Variants in SPHKAP observed in about 807,000 individuals in gnomAD.
SPHKAP encodes A-kinase anchor protein SPHKAP.
Under a neutral mutation model 137.5 loss-of-function variants are expected in SPHKAP, and 67 were observed. The ratio of observed to expected loss-of-function variants is 0.49; its 90% CI spans 0.40 to 0.60. The LOEUF is 0.60. SPHKAP is among the 20% of genes least tolerant of loss of function. The pLI is 0.00. For synonymous variants in SPHKAP, 813 were observed against 785.3 expected (o/e 1.04, Z -0.59); for missense variants, 2,097 against 2,069.3 (o/e 1.01, Z -0.26).
At chr2:228,037,033 TAATAAATA>T (rs200704537) in intron 3 of SPHKAP, among the ~76,000 whole-genome samples, 2 of 152,046 alleles carry the variant, frequency 1.3e-5, no homozygotes, top group Admixed American at 6.6e-5. Flanking sequence ...TAAAGTATAA[TAATAAATA>T]AATAAATAGA....
intron 1 of SPHKAP, among the ~76,000 whole-genome samples, chr2:228,157,308 A>G (rs537015777): frequency 4.6e-5 from 7 of 152,180 alleles, no homozygotes; most frequent in Admixed American, 2.0e-4. Context: ...TGATCTTAAA[A>G]CCCAGGTCTT....
chr2:228,120,679 G>C (rs1484176298), intron 2 of SPHKAP, among the ~76,000 whole-genome samples: 2 of 152,104 alleles, frequency 1.3e-5, no homozygotes. Context: ...TAGAGCTTGG[G>C]AACTGATGAG....
At chr2:228,027,687 G>T (rs1695097043) in intron 3 of SPHKAP, 144 bp from the exon 4 acceptor site, 1 of 830,672 alleles carries the variant, frequency 1.2e-6, no homozygotes, top group Admixed American at 2.4e-5. Context: ...GTCATTTCAG[G>T]GCGGGCGCAG....
intron 3 of SPHKAP, among the ~76,000 whole-genome samples, chr2:228,029,071 C>T (rs1054595327): frequency 6.6e-5 from 10 of 152,184 alleles, no homozygotes; most frequent in African/African-American, 2.2e-4. Flanking sequence ...ATAAGAGAAT[C>T]TGACTGCAGG....
chr2:228,106,740 T>C (rs1421026087), intron 3 of SPHKAP, among the ~76,000 whole-genome samples: 1 of 152,156 alleles, frequency 6.6e-6, no homozygotes, highest in African/African-American at 2.4e-5. Context: ...TAGGTAATAA[T>C]TTCCCTCAGG....
In SPHKAP at chr2:228,055,799, C is replaced by T. The variant is rs148720189; in HGVS notation, c.247-28256G>A. 4.6e-5 allele frequency among the ~76,000 whole-genome samples: 7 copies of T among 152,280 alleles called. No individual in the cohort carries two copies. In the South Asian group the frequency reaches 6.2e-4, roughly 14 times the overall value. ...ATGGCAAACCTCCTCCTGCAAATTC[C>T]GACAGTATTTTTAAAAACTTAAGCA... On this transcript the variant is annotated intron_variant, in intron 3 of 11. Coordinates refer to ENST00000392056, the MANE Select transcript of SPHKAP (RefSeq NM_001142644.2).
chr2:228,143,720 A>G (rs1699679147), intron 1 of SPHKAP, among the ~76,000 whole-genome samples: 1 of 134,276 alleles, frequency 7.4e-6, no homozygotes, highest in African/African-American at 2.8e-5. Context: ...TGGCCAGGCT[A>G]ATCTCGAACT....
chr2:228,035,759 C>G (rs889975481), intron 3 of SPHKAP, among the ~76,000 whole-genome samples: 2 of 152,120 alleles, frequency 1.3e-5, no homozygotes, highest in African/African-American at 4.8e-5. Flanking sequence ...TTTGACAAAC[C>G]TGACAAAAAC....
chr2:227,984,599 T>A (rs955788587), intron 11 of SPHKAP, among the ~76,000 whole-genome samples: 1 of 152,170 alleles, frequency 6.6e-6, no homozygotes, highest in African/African-American at 2.4e-5. Flanking sequence ...AAAGGGATGA[T>A]GACATGCGGC....
intron 3 of SPHKAP, among the ~76,000 whole-genome samples, chr2:228,072,377 A>T (rs1195042390): frequency 6.6e-6 from 1 of 152,122 alleles, no homozygotes; most frequent in Non-Finnish European, 1.5e-5. Flanking sequence ...TAATACGAAA[A>T]ATTCAAGAAG....
chr2:227,986,157 G>C (rs192203353), intron 11 of SPHKAP, among the ~76,000 whole-genome samples: 1 of 152,270 alleles, frequency 6.6e-6, no homozygotes, highest in Admixed American at 6.5e-5. Flanking sequence ...CAGATGAAGC[G>C]CCTCAGTATC....
At chr2:228,039,520 T>C (rs777419293) in intron 3 of SPHKAP, among the ~76,000 whole-genome samples, 2 of 152,200 alleles carry the variant, frequency 1.3e-5, no homozygotes, top group Non-Finnish European at 2.9e-5. Flanking sequence ...ATAAATGAAG[T>C]TCCATGTAGG....
At chr2:227,981,933 G>A (rs946594496) in intron 11 of SPHKAP, 73 bp from the exon 12 acceptor site, 15 of 1,519,666 alleles carry the variant, frequency 9.9e-6, no homozygotes, top group East Asian at 4.8e-5. Flanking sequence ...AACCACCCTC[G>A]CGAAGCCAAT....
In SPHKAP at chr2:228,018,626, C is replaced by T; in HGVS notation, c.2228G>A (p.Arg743Lys). The stretch of plus-strand genomic sequence containing the variant: ...GCAGCTTGGTTCTGTCTCCCTCCTT[C>T]TGATGGTCTCCTTAGAAAGGACAGC... ...CPAVLSKETI[R>K]RRETEPSCQP... Residue 743 changes from arginine (R) to lysine (K), a missense_variant, in exon 7 of 12, where the codon AGA (arginine) becomes AAA (lysine). Arg to Lys is a conservative substitution (Grantham distance 26). Transcript: ENST00000392056. The T allele has an allele frequency of 6.2e-7, 1 of 1,614,102 alleles. No individual in the cohort carries two copies. Among genetic ancestry groups the T allele is most frequent in the South Asian group, 1.1e-5 (1 of 90,994 alleles).
intron 3 of SPHKAP, among the ~76,000 whole-genome samples, chr2:228,072,310 T>C (rs1466277399): frequency 1.3e-5 from 2 of 152,210 alleles, no homozygotes; most frequent in African/African-American, 2.4e-5. Flanking sequence ...TTATCTATAA[T>C]TGTCTACTAT....
intron 7 of SPHKAP, among the ~76,000 whole-genome samples, chr2:228,012,285 G>A (rs1005539419): frequency 3.4e-5 from 5 of 148,960 alleles, no homozygotes; most frequent in African/African-American, 1.0e-4. Flanking sequence ...TTCCTTGCTT[G>A]TCTTCCTTTA....
chr2:228,177,898 T>C (rs1700787552), intron 1 of SPHKAP, among the ~76,000 whole-genome samples: 2 of 152,178 alleles, frequency 1.3e-5, no homozygotes, highest in South Asian at 4.1e-4. Context: ...AAAATTTTAT[T>C]ATTAAAATAG....
intron 3 of SPHKAP, among the ~76,000 whole-genome samples, chr2:228,078,567 T>C (rs959184354): frequency 3.3e-5 from 5 of 152,078 alleles, no homozygotes; most frequent in African/African-American, 1.2e-4. Context: ...AACAAGATGG[T>C]GGAATAGGAC....
At chr2:228,176,716 A>T (rs1700752309) in intron 1 of SPHKAP, among the ~76,000 whole-genome samples, 1 of 152,198 alleles carries the variant, frequency 6.6e-6, no homozygotes, top group Non-Finnish European at 1.5e-5. Context: ...TACTAAAAAT[A>T]CAAAATTAGC....
Sources: allele counts gnomAD v4.1 joint callset (sites outside exome capture counted in the v4.1 genomes callset), GRCh38; gene constraint gnomAD v4.1.1; transcripts MANE v1.5; gene names NCBI Gene and HGNC (gene_info 2026-07-23, HGNC 2026-07-21).